The following CCDC110 variants were observed in gnomAD, a reference collection of about 807,000 sequenced individuals.
CCDC110 encodes coiled-coil domain-containing protein 110.
In CCDC110, 70 loss-of-function variants were observed where a neutral mutation model predicts 77.1. The ratio of observed to expected loss-of-function variants is 0.91; its 90% CI spans 0.75 to 1.11. The LOEUF (loss-of-function observed/expected upper bound fraction) is 1.11, where lower values mean the gene tolerates loss of function less well. Ranked by LOEUF, CCDC110 falls within the 50% of genes least tolerant of loss-of-function variation. The pLI is 0.00. For synonymous variants in CCDC110, 295 were observed against 312.5 expected (o/e 0.94, Z 0.59); for missense variants, 868 against 942.9 (o/e 0.92, Z 1.04).
At position 185,445,255 on chromosome 4, in the gene CCDC110, C is replaced by T. The variant is rs1308150622; in HGVS notation, c.*247G>A. On this transcript the variant is annotated 3_prime_UTR_variant, in exon 7 of 7. Coordinates refer to ENST00000307588, the MANE Select transcript of CCDC110 (RefSeq NM_152775.4). The stretch of plus-strand genomic sequence containing the variant: ...AATGACAAATGTGGGTGACTTTAGA[C>T]ATCTCAGCTCCTTCCATGTACAGGT... 41 of 859,322 alleles carry T rather than the reference C, an allele frequency of 4.8e-5. No individual in the cohort carries two copies. Among genetic ancestry groups the T allele is most frequent in the Non-Finnish European group, 6.5e-5 (37 of 567,114 alleles). 53.2% of individuals were successfully genotyped at this position (859,322 alleles called of 1,614,324 possible).
At position 185,459,700 on chromosome 4, in the gene CCDC110, T is replaced by G. The variant is rs767176203; in HGVS notation, c.887A>C (p.Glu296Ala). The G allele has an allele frequency of 3.7e-6, 6 of 1,612,836 alleles. No homozygotes were observed. The South Asian group carries it at 6.6e-5, about 18-fold the overall frequency. ...ATTTAAGTTACCGTCCAAGTTTTCT[T>G]CCTTAATAAAGTTCATTTTATCCTG... ...IHQDKMNFIK[E>A]ENLDGNLNED... The change falls in exon 6 of 7, where the codon GAA (glutamate) becomes GCA (alanine). Residue 296 changes from glutamate (E) to alanine (A), a missense_variant. Transcript: ENST00000307588.
At position 185,445,487 on chromosome 4, in the gene CCDC110, C is replaced by G; in HGVS notation, c.*15G>C. ...CTATTTCTCGAAGGGAGTTTCTTAG[C>G]AATCTTGAGGAATCCTAATGATGCT... On this transcript the variant is annotated 3_prime_UTR_variant, in exon 7 of 7. Transcript: ENST00000307588. The G allele has an allele frequency of 6.4e-7, 1 of 1,556,514 alleles. No homozygotes were observed. The highest frequency in any genetic ancestry group is 8.8e-7 in the Non-Finnish European group (1 of 1,135,418).
intron 6 of CCDC110, among the ~76,000 whole-genome samples, chr4:185,446,985 C>T (rs1305318319): frequency 6.6e-6 from 1 of 152,046 alleles, no homozygotes; most frequent in Admixed American, 6.6e-5. Context: ...ACCTACTCTA[C>T]TACATTGCTG....
Position 185,445,329 on chromosome 4 carries a change from C to A in CCDC110, c.*173G>T. 1 of 718,774 alleles carries A rather than the reference C, an allele frequency of 1.4e-6. No individual in the cohort carries two copies. The highest frequency in any genetic ancestry group is 2.2e-6 in the Non-Finnish European group (1 of 444,936). The allele number at this position is 718,774 out of a possible 1,614,324, so 44.5% of individuals were successfully genotyped here. ...CTCCCCCATCTTCTGAAATTCCCAG[C>A]TGAGAAAGCTTAAGTTATCTGCACC... is the stretch of plus-strand genomic sequence containing the variant. On this transcript the variant is annotated 3_prime_UTR_variant, in exon 7 of 7. Coordinates refer to ENST00000307588, the MANE Select transcript of CCDC110 (RefSeq NM_152775.4).
At chr4:185,464,580 CTAAAG>C (rs1181672930) in intron 2 of CCDC110, among the ~76,000 whole-genome samples, 1 of 152,204 alleles carries the variant, frequency 6.6e-6, no homozygotes, top group East Asian at 1.9e-4. Context: ...TTTTCAGACT[CTAAAG>C]TAACCTCTTC....
intron 6 of CCDC110, among the ~76,000 whole-genome samples, chr4:185,446,001 C>T (rs1293589478): frequency 2.0e-5 from 3 of 151,992 alleles, no homozygotes; most frequent in African/African-American, 7.3e-5. Flanking sequence ...AACACCACAC[C>T]CGGCTAATTT....
intron 6 of CCDC110, among the ~76,000 whole-genome samples, chr4:185,456,504 T>G (rs1020344488): frequency 6.6e-6 from 1 of 152,034 alleles, no homozygotes; most frequent in African/African-American, 2.4e-5. Context: ...TTGGTAAAAC[T>G]CTAGCAAGAA....
In CCDC110 at chr4:185,446,358, A is replaced by G. The variant is rs187337307; in HGVS notation, c.2462-816T>C. 1.7e-3 allele frequency among the ~76,000 whole-genome samples: 257 copies of G among 152,314 alleles called. 1 individual carries two copies. Among genetic ancestry groups the G allele is most frequent in the Admixed American group, 3.7e-3 (56 of 15,292 alleles). ...AAGTTGATACTGTCTTAAAACTTTG[A>G]TAATTTGGGGTGCTCTAACTTAGAT... is the stretch of plus-strand genomic sequence containing the variant. On this transcript the variant is annotated intron_variant, in intron 6 of 6. Coordinates refer to ENST00000307588, the MANE Select transcript of CCDC110 (RefSeq NM_152775.4).
At position 185,458,575 on chromosome 4, in the gene CCDC110, G is replaced by A. The variant is rs2095639882; in HGVS notation, c.2012C>T (p.Thr671Ile). 4.4e-6 allele frequency: 7 copies of A among 1,608,270 alleles called. No homozygotes were observed. Among genetic ancestry groups the A allele is most frequent in the Non-Finnish European group, 5.1e-6 (6 of 1,179,508 alleles). ...TTCTTGCAGAAAATTCTCTTCGGCAGTAGATTGGTAGGTTTGAATATTCTC... is the reference window on the plus strand; with the variant it reads ...TTCTTGCAGAAAATTCTCTTCGGCAATAGATTGGTAGGTTTGAATATTCTC... Reference protein sequence around the residue: ...EIENIQTYQSTAEENFLQEIK... With the variant: ...EIENIQTYQSIAEENFLQEIK... The change falls in exon 6 of 7, where the codon ACT (threonine) becomes ATT (isoleucine). Residue 671 changes from threonine to isoleucine, a missense_variant. Coordinates refer to ENST00000307588, the MANE Select transcript of CCDC110 (RefSeq NM_152775.4).
At chr4:185,446,711 A>G (rs78870788) in intron 6 of CCDC110, among the ~76,000 whole-genome samples, 12,261 of 75,144 alleles carry the variant, frequency 0.16, 581 homozygotes, top group South Asian at 0.37. Context: ...CAGACATAGT[A>G]TCTATAGCCC....
At chr4:185,458,072 A>G (rs1219745158) in intron 6 of CCDC110, 54 bp downstream of exon 6, 3 of 1,250,340 alleles carry the variant, frequency 2.4e-6, no homozygotes, top group East Asian at 5.1e-5. Context: ...GTAGTGCCCA[A>G]TAGGCTAAAA....
intron 6 of CCDC110, among the ~76,000 whole-genome samples, chr4:185,454,669 A>G (rs1298222127): frequency 1.3e-5 from 2 of 152,066 alleles, no homozygotes; most frequent in Non-Finnish European, 2.9e-5. Flanking sequence ...AGCTGAGATC[A>G]GGCCACTGCA....
intron 6 of CCDC110, among the ~76,000 whole-genome samples, chr4:185,455,430 A>G (rs965038316): frequency 1.3e-5 from 2 of 152,238 alleles, no homozygotes; most frequent in South Asian, 2.1e-4. Context: ...GCAAAAAGAT[A>G]TACTATGCAA....
intron 6 of CCDC110, chr4:185,452,450 G>T: frequency 2.4e-6 from 2 of 840,736 alleles, no homozygotes; most frequent in Non-Finnish European, 2.9e-6. Flanking sequence ...TCAATAAGAA[G>T]CTCTGATAAG....
rs1370528780 is a variant in CCDC110, at chr4:185,459,080, C to G, written c.1507G>C (p.Glu503Gln). ...ATTTTTTTAAATTCTTTAAGACACT[C>G]TTTGCTGTATTCTTCTGTTTTACTT... is the stretch of plus-strand genomic sequence containing the variant. ...KLSKTEEYSK[E>Q]CLKEFKKIIS... Residue 503 changes from glutamate (E) to glutamine (Q), a missense_variant, in exon 6 of 7, where the codon GAG (glutamate) becomes CAG (glutamine). Glu to Gln is a conservative substitution (Grantham distance 29, BLOSUM62 2). Transcript: ENST00000307588. 1.9e-6 allele frequency: 3 copies of G among 1,574,072 alleles called. No individual in the cohort carries two copies. The highest frequency in any genetic ancestry group is 2.6e-6 in the Non-Finnish European group (3 of 1,154,666).
chr4:185,451,146 A>G (rs974863896), intron 6 of CCDC110, among the ~76,000 whole-genome samples: 3 of 152,280 alleles, frequency 2.0e-5, no homozygotes, highest in African/African-American at 7.2e-5. Flanking sequence ...GCCACCATGC[A>G]AGATGTGCCT....
At chr4:185,447,092 C>A (rs1437293870) in intron 6 of CCDC110, among the ~76,000 whole-genome samples, 1 of 152,138 alleles carries the variant, frequency 6.6e-6, no homozygotes, top group Non-Finnish European at 1.5e-5. Context: ...CTATCTCAAA[C>A]CTGTCTTTTA....
At chr4:185,456,478 G>A (rs555080915) in intron 6 of CCDC110, among the ~76,000 whole-genome samples, 70 of 152,034 alleles carry the variant, frequency 4.6e-4, no homozygotes, top group Non-Finnish European at 5.0e-4. Context: ...CTGATTTTTT[G>A]AAAAGAAAAA....
intron 6 of CCDC110, among the ~76,000 whole-genome samples, chr4:185,446,574 C>G (rs1332963669): frequency 6.6e-6 from 1 of 152,066 alleles, no homozygotes; most frequent in Non-Finnish European, 1.5e-5. Flanking sequence ...AAAAAAATTT[C>G]TGGGCATCTT....
Sources: allele counts gnomAD v4.1 joint callset (sites outside exome capture counted in the v4.1 genomes callset), GRCh38; gene constraint gnomAD v4.1.1; transcripts MANE v1.5; gene names NCBI Gene and HGNC (gene_info 2026-07-23, HGNC 2026-07-21).